PPP1R9A: variants seen among roughly 807,000 people sequenced by gnomAD.
PPP1R9A encodes neurabin-1.
A neutral mutation model predicts 141.9 loss-of-function variants in PPP1R9A; 59 were observed. The ratio of observed to expected loss-of-function variants is 0.42; its 90% CI spans 0.34 to 0.52. The LOEUF (loss-of-function observed/expected upper bound fraction) is 0.52, where lower values mean the gene tolerates loss of function less well. Among genes scored for constraint, PPP1R9A ranks in the 20% least tolerant of loss-of-function variants. The pLI is 0.10. For synonymous variants in PPP1R9A, 500 were observed against 569.7 expected (o/e 0.88, Z 1.74); for missense variants, 1,444 against 1,611.9 (o/e 0.90, Z 1.78).
intron 2 of PPP1R9A, among the ~76,000 whole-genome samples, chr7:94,999,670 A>G (rs2151502688): frequency 6.6e-6 from 1 of 152,322 alleles, no homozygotes; most frequent in East Asian, 1.9e-4. Context: ...AATAAAATCA[A>G]CAAAACATCT....
At chr7:94,950,043 T>A (rs770430478) in intron 2 of PPP1R9A, among the ~76,000 whole-genome samples, 1 of 151,912 alleles carries the variant, frequency 6.6e-6, no homozygotes, top group African/African-American at 2.4e-5. Flanking sequence ...CCAAAAACAC[T>A]TTGTCTAGGT....
chr7:95,181,522 C>A (rs1833805772), intron 5 of PPP1R9A, among the ~76,000 whole-genome samples: 1 of 123,562 alleles, frequency 8.1e-6, no homozygotes, highest in Non-Finnish European at 1.6e-5. Context: ...ATATATATTC[C>A]ATCATATATA....
chr7:95,132,033 T>C lies in PPP1R9A; in HGVS notation c.1649+11201T>C, dbSNP rs557143622. Among the ~76,000 whole-genome samples, 98 of 152,342 alleles carry C rather than the reference T, an allele frequency of 6.4e-4. 1 individual carries two copies. Among genetic ancestry groups the C allele is most frequent in the Admixed American group, 6.3e-3 (96 of 15,296 alleles). ...TAGAAATGCTACTGATTTTTGTGCA[T>C]TGATTTTGTCTCTTAAAACTTTCCT... is the stretch of plus-strand genomic sequence containing the variant. On this transcript the variant is annotated intron_variant, in intron 4 of 19. Coordinates refer to ENST00000433360, the MANE Select transcript of PPP1R9A (RefSeq NM_001166160.2).
chr7:95,027,935 G>T (rs1324992197), intron 2 of PPP1R9A, among the ~76,000 whole-genome samples: 1 of 152,068 alleles, frequency 6.6e-6, no homozygotes, highest in Non-Finnish European at 1.5e-5. Context: ...TTTGATTTAT[G>T]TATTTTGTTT....
At chr7:95,145,055 CTG>C (rs904437863) in intron 4 of PPP1R9A, among the ~76,000 whole-genome samples, 6 of 152,080 alleles carry the variant, frequency 3.9e-5, no homozygotes, top group Admixed American at 3.9e-4. Flanking sequence ...ACACTGAAAA[CTG>C]TAATACATTG....
intron 4 of PPP1R9A, among the ~76,000 whole-genome samples, chr7:95,142,511 A>T (rs1430763339): frequency 6.6e-6 from 1 of 152,000 alleles, no homozygotes; most frequent in Non-Finnish European, 1.5e-5. Flanking sequence ...TCTATGATCC[A>T]TTTTAGTTAA....
chr7:95,227,948 G>C (rs560033246), intron 8 of PPP1R9A, among the ~76,000 whole-genome samples: 2 of 152,166 alleles, frequency 1.3e-5, no homozygotes, highest in South Asian at 2.1e-4. Flanking sequence ...TCACCTGTGT[G>C]GCACTCTTTT....
chr7:95,137,315 A>G (rs1002651699), intron 4 of PPP1R9A, among the ~76,000 whole-genome samples: 5 of 138,766 alleles, frequency 3.6e-5, no homozygotes, highest in African/African-American at 1.4e-4. Flanking sequence ...GTTCCCACCT[A>G]TGAGTAAGAA....
intron 3 of PPP1R9A, among the ~76,000 whole-genome samples, chr7:95,118,367 G>T (rs1821887274): frequency 6.6e-6 from 1 of 152,120 alleles, no homozygotes; most frequent in African/African-American, 2.4e-5. Flanking sequence ...TAATGAATGA[G>T]GAAAGTCTTC....
intron 8 of PPP1R9A, among the ~76,000 whole-genome samples, chr7:95,236,049 C>T (rs1350588900): frequency 6.6e-6 from 1 of 152,102 alleles, no homozygotes; most frequent in Non-Finnish European, 1.5e-5. Flanking sequence ...GTACACTGCT[C>T]AGGTGATGGG....
In PPP1R9A at chr7:95,159,901, G is replaced by T. The variant is rs184060263; in HGVS notation, c.1650-1966G>T. On this transcript the variant is annotated intron_variant, in intron 4 of 19. Coordinates refer to ENST00000433360, the MANE Select transcript of PPP1R9A (RefSeq NM_001166160.2). ...AGATCACACCACTGCACTCCAGCCT[G>T]GGTGACAGAGGGAGACATTGTCTCA... Among the ~76,000 whole-genome samples, 118 of 148,342 alleles carry T rather than the reference G, an allele frequency of 8.0e-4. 1 individual carries two copies. Among genetic ancestry groups the T allele is most frequent in the Middle Eastern group, 7.0e-3 (2 of 286 alleles).
At chr7:94,978,907 C>T (rs1799774282) in intron 2 of PPP1R9A, among the ~76,000 whole-genome samples, 1 of 152,154 alleles carries the variant, frequency 6.6e-6, no homozygotes, top group African/African-American at 2.4e-5. Flanking sequence ...AGCTATTCTC[C>T]TGCCTCAGCC....
chr7:95,275,898 G>C (rs1803091752), intron 16 of PPP1R9A, among the ~76,000 whole-genome samples: 1 of 152,142 alleles, frequency 6.6e-6, no homozygotes, highest in Non-Finnish European at 1.5e-5. Flanking sequence ...CTGTACATTG[G>C]AAAAGGGTAG....
intron 2 of PPP1R9A, among the ~76,000 whole-genome samples, chr7:95,068,797 G>A (rs938995014): frequency 2.0e-5 from 3 of 152,076 alleles, no homozygotes; most frequent in African/African-American, 4.8e-5. Context: ...TGGTGAAGAG[G>A]GGACCTAGGC....
At chr7:95,052,863 A>T (rs984890216) in intron 2 of PPP1R9A, among the ~76,000 whole-genome samples, 3 of 152,178 alleles carry the variant, frequency 2.0e-5, no homozygotes, top group African/African-American at 7.2e-5. Flanking sequence ...AAGTGCCATC[A>T]ATTCTAAGTC....
At chr7:95,088,463 C>G (rs1268509292) in intron 2 of PPP1R9A, among the ~76,000 whole-genome samples, 13 of 151,834 alleles carry the variant, frequency 8.6e-5, no homozygotes, top group Admixed American at 8.5e-4. Flanking sequence ...AACCACCATG[C>G]AATCAGGGCA....
chr7:95,142,449 C>T (rs11980268), intron 4 of PPP1R9A, among the ~76,000 whole-genome samples: 10,551 of 151,946 alleles, frequency 0.069, 996 homozygotes, highest in African/African-American at 0.21. Flanking sequence ...AAGATTTACT[C>T]GTTCATCTTC....
intron 2 of PPP1R9A, among the ~76,000 whole-genome samples, chr7:95,097,404 G>A (rs1372778767): frequency 2.2e-5 from 3 of 134,308 alleles, no homozygotes; most frequent in African/African-American, 7.5e-5. Context: ...AAGAATCAAT[G>A]GCTCAAAAGA....
chr7:94,996,625 T>C (rs1273946253), intron 2 of PPP1R9A, among the ~76,000 whole-genome samples: 1 of 152,150 alleles, frequency 6.6e-6, no homozygotes, highest in Non-Finnish European at 1.5e-5. Flanking sequence ...TTTTGTGACC[T>C]TCTCTTATTC....
Sources: allele counts gnomAD v4.1 joint callset (sites outside exome capture counted in the v4.1 genomes callset), GRCh38; gene constraint gnomAD v4.1.1; transcripts MANE v1.5; gene names NCBI Gene and HGNC (gene_info 2026-07-23, HGNC 2026-07-21).